The following SACS variants were observed in gnomAD, a reference collection of about 807,000 sequenced individuals.
SACS encodes the protein sacsin.
Under a neutral mutation model 348.0 loss-of-function variants are expected in SACS, and 197 were observed. The ratio of observed to expected loss-of-function variants is 0.57; its 90% CI spans 0.50 to 0.64. The LOEUF (loss-of-function observed/expected upper bound fraction) is 0.64. Among genes scored for constraint, SACS ranks in the 30% least tolerant of loss-of-function variants. The pLI is 0.00. For synonymous variants in SACS, 1,985 were observed against 1,910.6 expected (o/e 1.04, Z -1.02); for missense variants, 4,999 against 5,360.8 (o/e 0.93, Z 2.11).
rs201206270 is a variant in SACS, at chr13:23,365,275, T to C, written c.348A>G (p.Glu116=). 1.2e-5 allele frequency: 19 copies of C among 1,577,570 alleles called. No individual in the cohort carries two copies. Among genetic ancestry groups the C allele is most frequent in the Middle Eastern group, 1.7e-4 (1 of 6,002 alleles). Residue 116 remains glutamate (E), a splice_region_variant and synonymous_variant, in exon 6 of 10, where the codon GAA becomes GAG. Coordinates refer to ENST00000382292, the MANE Select transcript of SACS (RefSeq NM_014363.6). ...RYPEGGQILK[E]LIQNAEDAGA... Reference sequence around the variant, plus strand: ...CAGCATCTTCTGCATTCTGAATTAATTCCTAACCAAAAAATATACCAAAAA... The same window carrying C: ...CAGCATCTTCTGCATTCTGAATTAACTCCTAACCAAAAAATATACCAAAAA...
In SACS at chr13:23,411,371, G is replaced by T; in HGVS notation, c.-132C>A. On this transcript the variant is annotated 5_prime_UTR_variant, in exon 2 of 10. Coordinates refer to ENST00000382292, the MANE Select transcript of SACS (RefSeq NM_014363.6). ...GCTCTTCCTGCCAGGTGGAAAAAAA[G>T]CCTGTTTTTCCCTTCAGTGTCCATT... 2 of 837,258 alleles carry T rather than the reference G, an allele frequency of 2.4e-6. No homozygotes were observed. Among genetic ancestry groups the T allele is most frequent in the Non-Finnish European group, 4.0e-6 (2 of 494,888 alleles). The allele number at this position is 837,258 out of a possible 1,614,324, so 51.9% of individuals were successfully genotyped here.
Position 23,337,008 on chromosome 13 carries a change from C to A in SACS, c.6868G>T (p.Val2290Phe). The A allele has an allele frequency of 2.5e-6, 4 of 1,613,984 alleles. No individual in the cohort carries two copies. The South Asian group carries it at 4.4e-5, about 18-fold the overall frequency. ...TTCAATTGGTTTATAACCAGATCAA[C>A]TGTTGGCTTCTTGAGTAATCCCAAA... ...EFLGLLKKPT[V>F]DLVINQLKEV... The change falls in exon 10 of 10, where the codon GTT (valine) becomes TTT (phenylalanine). Residue 2290 changes from valine (V) to phenylalanine (F), a missense_variant. Val to Phe is a conservative substitution (Grantham distance 50, BLOSUM62 -1). This residue lies in a region of SACS where 3,156 missense variants were observed against 3,380.1 expected (regional missense o/e 0.93). Coordinates refer to ENST00000382292, the MANE Select transcript of SACS (RefSeq NM_014363.6).
rs117025663 is a variant in SACS at position 23,385,181 on chromosome 13, C to G, written c.21-9912G>C. 1.9e-3 allele frequency among the ~76,000 whole-genome samples: 294 copies of G among 152,030 alleles called. 1 individual carries two copies. Among genetic ancestry groups the G allele is most frequent in the Middle Eastern group, 3.4e-3 (1 of 292 alleles). On this transcript the variant is annotated intron_variant, in intron 2 of 9. Coordinates refer to ENST00000382292, the MANE Select transcript of SACS (RefSeq NM_014363.6). ...GTTTTATCATGAGATTGCCCCAACT[C>G]AGTCACATCATCAGGCTCCACTGCT...
chr13:23,333,686 T>G lies in SACS; in HGVS notation c.10190A>C (p.His3397Pro). Reference sequence around the variant, plus strand: ...TTTTATATCATCTTGGGACATCAAATGATTCAAATTGCAGTTGAAATACAT... The same window carrying G: ...TTTTATATCATCTTGGGACATCAAAGGATTCAAATTGCAGTTGAAATACAT... ...LLMYFNCNLN[H>P]LMSQDDIKIL... The change falls in exon 10 of 10, where the codon CAT (histidine) becomes CCT (proline). Residue 3397 changes from histidine to proline, a missense_variant. His to Pro is a moderately conservative substitution (Grantham distance 77). Coordinates refer to ENST00000382292, the MANE Select transcript of SACS (RefSeq NM_014363.6). 1.2e-6 allele frequency: 2 copies of G among 1,613,804 alleles called. No individual in the cohort carries two copies. The highest frequency in any genetic ancestry group is 1.7e-6 in the Non-Finnish European group (2 of 1,179,748).
chr13:23,350,309 C>T (rs779375284), intron 9 of SACS, among the ~76,000 whole-genome samples: 3 of 152,108 alleles, frequency 2.0e-5, no homozygotes, highest in African/African-American at 7.2e-5. Context: ...CAACTCTTTC[C>T]GGAAGCTGGA....
Position 23,341,619 on chromosome 13 carries a change from T to G in SACS, c.2257A>C (p.Thr753Pro). 6.2e-7 allele frequency: 1 copy of G among 1,613,712 alleles called. No homozygotes were observed. The highest frequency in any genetic ancestry group is 8.5e-7 in the Non-Finnish European group (1 of 1,179,938). ...ATCAATTCTCTGCCAGGCCAGAATGTATTCATTACTTCCTTGATAAGACGT... is the reference window on the plus strand; with the variant it reads ...ATCAATTCTCTGCCAGGCCAGAATGGATTCATTACTTCCTTGATAAGACGT... ...FARLIKEVMN[T>P]FWPGRELIVQ... The change falls in exon 10 of 10, where the codon ACA (threonine) becomes CCA (proline). Residue 753 changes from threonine to proline, a missense_variant. Thr to Pro is a conservative substitution (Grantham distance 38, BLOSUM62 -1). Around this residue, in one of 6 missense-constraint regions of SACS, gnomAD observed 3,156 missense variants for 3,380.1 expected, o/e 0.93. Transcript: ENST00000382292.
chr13:23,333,621 G>A lies in SACS; in HGVS notation c.10255C>T (p.Arg3419Cys), dbSNP rs765758197. 32 of 1,613,524 alleles carry A rather than the reference G, an allele frequency of 2.0e-5. No homozygotes were observed. The highest frequency in any genetic ancestry group is 8.0e-5 in the African/African-American group (6 of 74,850). Residue 3419 changes from arginine to cysteine, a missense_variant, in exon 10 of 10, where the codon CGC (arginine) becomes TGC (cysteine). Physicochemically the swap from Arg to Cys is radical, Grantham distance 180. Around this residue, in one of 6 missense-constraint regions of SACS, gnomAD observed 734 missense variants for 694.0 expected, o/e 1.06. Transcript: ENST00000382292. The part of the protein sequence containing the change: ...SLPCYKSISG[R>C]YVSIGKFGTC... ...CCAAATTTTCCAATGCTTACATAGC[G>A]GCCACTGATGGATTTATAGCACGGA...
rs1178823081 is a variant in SACS at position 23,355,480 on chromosome 13, C to T, written c.1132G>A (p.Val378Ile). 1 of 1,614,124 alleles carries T rather than the reference C, an allele frequency of 6.2e-7. No individual in the cohort carries two copies. The highest frequency in any genetic ancestry group is 1.1e-5 in the South Asian group (1 of 91,080). ...TCCTTAGTACTCTCCTCTTCTAAAA[C>T]AATATTTACGTGATATGTTACACAG... is the stretch of plus-strand genomic sequence containing the variant. ...ITCVTYHVNI[V>I]LEEESTKDAQ... Residue 378 changes from valine (V) to isoleucine (I), a missense_variant, in exon 8 of 10, where the codon GTT becomes ATT. This residue lies in a region of SACS where 3,156 missense variants were observed against 3,380.1 expected (regional missense o/e 0.93). Coordinates refer to ENST00000382292, the MANE Select transcript of SACS (RefSeq NM_014363.6).
In SACS at chr13:23,365,192, CAA is replaced by C. The variant is rs1555255328; in HGVS notation, c.429_430del (p.Trp144ValfsTer39). On this transcript the variant is annotated frameshift_variant, in exon 6 of 10. Coordinates refer to ENST00000382292, the MANE Select transcript of SACS (RefSeq NM_014363.6). LOFTEE classifies it high-confidence loss of function. The stretch of plus-strand genomic sequence containing the variant: ...CTGATATGGCGCCATATCTTTTGAC[CAA>C]AGAGTCTCTGTTCCGTATTGAGTTT... 5 of 1,611,926 alleles carry C rather than the reference CAA, an allele frequency of 3.1e-6. No homozygotes were observed. Among genetic ancestry groups the C allele is most frequent in the Admixed American group, 1.7e-5 (1 of 59,822 alleles).
At chr13:23,408,589 G>A (rs530810975) in intron 2 of SACS, among the ~76,000 whole-genome samples, 1 of 152,168 alleles carries the variant, frequency 6.6e-6, no homozygotes, top group Non-Finnish European at 1.5e-5. Context: ...TGTTAATGCT[G>A]TGACTCTGAG....
At chr13:23,378,278 A>G (rs1358510508) in intron 2 of SACS, among the ~76,000 whole-genome samples, 1 of 152,202 alleles carries the variant, frequency 6.6e-6, no homozygotes, top group African/African-American at 2.4e-5. Flanking sequence ...GGCTGGAAAT[A>G]CAGTCACGCT....
intron 1 of SACS, among the ~76,000 whole-genome samples, chr13:23,422,755 T>C (rs1009566222): frequency 6.6e-6 from 1 of 151,992 alleles, no homozygotes; most frequent in African/African-American, 2.4e-5. Flanking sequence ...GCCTCCTGGG[T>C]TCACGCCATT....
At chr13:23,424,248 G>A (rs967745969) in intron 1 of SACS, among the ~76,000 whole-genome samples, 2 of 152,176 alleles carry the variant, frequency 1.3e-5, no homozygotes, top group African/African-American at 2.4e-5. Flanking sequence ...ATTTCAGGCC[G>A]GGCATGGTGG....
chr13:23,405,481 G>T (rs1873164922), intron 2 of SACS, among the ~76,000 whole-genome samples: 1 of 152,180 alleles, frequency 6.6e-6, no homozygotes, highest in Non-Finnish European at 1.5e-5. Context: ...TACCATTCAG[G>T]ACATAGGCAT....
At chr13:23,352,304 A>G (rs1224302711) in intron 9 of SACS, among the ~76,000 whole-genome samples, 1 of 152,264 alleles carries the variant, frequency 6.6e-6, no homozygotes, top group East Asian at 1.9e-4. Flanking sequence ...AATCTGGATG[A>G]ATCTCACCAG....
intron 2 of SACS, among the ~76,000 whole-genome samples, chr13:23,388,627 G>C (rs1199761893): frequency 1.3e-5 from 2 of 150,156 alleles, no homozygotes; most frequent in East Asian, 4.0e-4. Flanking sequence ...AGTAACTCAG[G>C]AGTGGAAAAC....
At chr13:23,343,810 C>G (rs934715771) in intron 9 of SACS, among the ~76,000 whole-genome samples, 1 of 152,138 alleles carries the variant, frequency 6.6e-6, no homozygotes, top group Non-Finnish European at 1.5e-5. Context: ...ATTTCAGAGG[C>G]CTACGTATAA....
Position 23,335,363 on chromosome 13 carries a change from GAT to G in SACS, c.8511_8512del (p.Ala2839SerfsTer23). 1 of 1,613,874 alleles carries G rather than the reference GAT, an allele frequency of 6.2e-7. No individual in the cohort carries two copies. The highest frequency in any genetic ancestry group is 8.5e-7 in the Non-Finnish European group (1 of 1,179,868). On this transcript the variant is annotated frameshift_variant, in exon 10 of 10. Transcript: ENST00000382292. LOFTEE classifies it high-confidence loss of function. This position sits in a 1 kb window ranked among gnomAD's most constrained non-coding sequence, Gnocchi z 4.7. ...AGTAATATCTTGGTTCTTGTGAGCT[GAT>G]ATGACACTTTTAGATACTTTCTCCA...
intron 5 of SACS, among the ~76,000 whole-genome samples, chr13:23,368,139 A>T (rs1223280604): frequency 1.3e-5 from 2 of 152,132 alleles, no homozygotes; most frequent in African/African-American, 2.4e-5. Context: ...ATCTACAGAG[A>T]ACATTCCCGG....
Sources: allele counts gnomAD v4.1 joint callset (sites outside exome capture counted in the v4.1 genomes callset), GRCh38; gene constraint gnomAD v4.1.1; regional missense constraint gnomAD v4.1.1; non-coding constraint Gnocchi (gnomAD v3.1); transcripts MANE v1.5; gene names NCBI Gene and HGNC (gene_info 2026-07-23, HGNC 2026-07-21).